ANKRD34C: variants seen among roughly 807,000 people sequenced by gnomAD.
ANKRD34C encodes ankyrin repeat domain 34C.
For missense variants in ANKRD34C, 563 were observed against 653.0 expected (o/e 0.86, Z 1.50); for synonymous variants, 260 against 253.6 (o/e 1.03, Z -0.24).
rs902767751 is a variant in ANKRD34C, at chr15:79,295,096, T to C, written c.*204T>C. On this transcript the variant is annotated 3_prime_UTR_variant, in exon 2 of 2. Transcript: ENST00000421388. ...AGGATAATTGGGTTTTGAAGATAAATTTTTAAAAATTCTGCAAAGGAAGAA... is the reference window on the plus strand; with the variant it reads ...AGGATAATTGGGTTTTGAAGATAAACTTTTAAAAATTCTGCAAAGGAAGAA... 2 of 586,260 alleles carry C rather than the reference T, an allele frequency of 3.4e-6. No homozygotes were observed. The highest frequency in any genetic ancestry group is 3.5e-5 in the South Asian group (1 of 28,242). 36.3% of individuals were successfully genotyped at this position (586,260 alleles called of 1,614,324 possible).
Position 79,295,000 on chromosome 15 carries a change from A to G in ANKRD34C, c.*108A>G, listed in dbSNP as rs1438950302. On this transcript the variant is annotated 3_prime_UTR_variant, in exon 2 of 2. Transcript: ENST00000421388. Reference sequence around the variant, plus strand: ...TTGAACTGTGGCCACTTCAGAAGATATAAAAGCAGGATGCTGCTTCACTTC... The same window carrying G: ...TTGAACTGTGGCCACTTCAGAAGATGTAAAAGCAGGATGCTGCTTCACTTC... 4.1e-6 allele frequency: 5 copies of G among 1,210,928 alleles called. No homozygotes were observed. Among genetic ancestry groups the G allele is most frequent in the South Asian group, 1.7e-5 (1 of 58,190 alleles). The allele number at this position is 1,210,928 out of a possible 1,614,324, so 75.0% of individuals were successfully genotyped here.
intron 1 of ANKRD34C, among the ~76,000 whole-genome samples, chr15:79,287,678 G>C (rs750681886): frequency 5.3e-5 from 8 of 152,220 alleles, no homozygotes; most frequent in African/African-American, 1.9e-4. Context: ...AAAACATGCT[G>C]ACTTATTGGA....
chr15:79,293,481 A>G lies in ANKRD34C; in HGVS notation c.197A>G (p.Lys66Arg), dbSNP rs1489057192. 1.3e-6 allele frequency: 2 copies of G among 1,551,562 alleles called. No individual in the cohort carries two copies. Among genetic ancestry groups the G allele is most frequent in the Middle Eastern group, 1.7e-4 (1 of 6,014 alleles). Residue 66 changes from lysine (K) to arginine (R), a missense_variant, in exon 2 of 2, where the codon AAG becomes AGG. Physicochemically the swap from Lys to Arg is conservative, Grantham distance 26. Coordinates refer to ENST00000421388, the MANE Select transcript of ANKRD34C (RefSeq NM_001146341.2). ...HVDQQSISKSKMVKYLLDNRA... is the reference protein window; with the variant it reads ...HVDQQSISKSRMVKYLLDNRA... ...GACCAGCAAAGCATCAGCAAGTCCA[A>G]GATGGTGAAGTACCTGCTGGACAAC...
intron 1 of ANKRD34C, among the ~76,000 whole-genome samples, chr15:79,291,942 T>C (rs1030499903): frequency 1.3e-5 from 2 of 152,250 alleles, no homozygotes; most frequent in Non-Finnish European, 2.9e-5. Context: ...AGTTTGGTTT[T>C]TGTTTTAAAT....
intron 1 of ANKRD34C, among the ~76,000 whole-genome samples, chr15:79,288,498 C>T (rs1336618093): frequency 6.6e-6 from 1 of 152,220 alleles, no homozygotes; most frequent in Non-Finnish European, 1.5e-5. Flanking sequence ...CTCCCTCATA[C>T]TTCTTGGTTG....
At chr15:79,291,745 G>C (rs1436386216) in intron 1 of ANKRD34C, among the ~76,000 whole-genome samples, 3 of 152,004 alleles carry the variant, frequency 2.0e-5, no homozygotes, top group African/African-American at 7.2e-5. Context: ...TAGTTTTCCT[G>C]GAAATCTAGC....
In ANKRD34C at chr15:79,289,526, C is replaced by T. The variant is rs561350574; in HGVS notation, c.-44-3715C>T. On this transcript the variant is annotated intron_variant, in intron 1 of 1. Coordinates refer to ENST00000421388, the MANE Select transcript of ANKRD34C (RefSeq NM_001146341.2). Reference sequence around the variant, plus strand: ...AAGGAGAGAAGGATTCTCCTACATACGCCATCTTTCCTCCATTTCTTTCTT... The same window carrying T: ...AAGGAGAGAAGGATTCTCCTACATATGCCATCTTTCCTCCATTTCTTTCTT... Among the ~76,000 whole-genome samples the T allele has an allele frequency of 1.9e-4, 29 of 152,316 alleles. No homozygotes were observed. The South Asian group carries it at 3.3e-3, about 17-fold the overall frequency.
chr15:79,297,993 A>G lies in ANKRD34C; in HGVS notation c.*3101A>G, dbSNP rs1301864305. 6.0e-6 allele frequency: 1 copy of G among 166,894 alleles called. No homozygotes were observed. The highest frequency in any genetic ancestry group is 1.5e-5 in the Non-Finnish European group (1 of 68,118). 10.3% of individuals were successfully genotyped at this position (166,894 alleles called of 1,614,324 possible). A position where few individuals can be genotyped will look rare whatever the true frequency, so the allele number is the denominator to read the frequency against. On this transcript the variant is annotated 3_prime_UTR_variant, in exon 2 of 2. Coordinates refer to ENST00000421388, the MANE Select transcript of ANKRD34C (RefSeq NM_001146341.2). ...AAAGCTTTTTTTTTTCTTTTTAAAA[A>G]GCCCATTGTCAACTCTCTTAGAACT... is the stretch of plus-strand genomic sequence containing the variant.
intron 1 of ANKRD34C, among the ~76,000 whole-genome samples, chr15:79,291,444 T>A (rs2058658794): frequency 6.6e-6 from 1 of 151,780 alleles, no homozygotes; most frequent in African/African-American, 2.4e-5. Context: ...ATCTCCAGAG[T>A]TCAGAGACTG....
Position 79,296,630 on chromosome 15 carries a change from T to C in ANKRD34C, c.*1738T>C, listed in dbSNP as rs1426924987. Reference sequence around the variant, plus strand: ...TAACTACCTTTGCTAGAAATTTATCTGAATATTCCAAACAAAAGTGTTAAT... The same window carrying C: ...TAACTACCTTTGCTAGAAATTTATCCGAATATTCCAAACAAAAGTGTTAAT... On this transcript the variant is annotated 3_prime_UTR_variant, in exon 2 of 2. Transcript: ENST00000421388. 2 of 167,246 alleles carry C rather than the reference T, an allele frequency of 1.2e-5. No homozygotes were observed. 10.4% of individuals were successfully genotyped at this position (167,246 alleles called of 1,614,324 possible).
At chr15:79,293,140 G>A (rs750302141) in intron 1 of ANKRD34C, 101 bp from the exon 2 acceptor site, 2 of 835,494 alleles carry the variant, frequency 2.4e-6, no homozygotes, top group Non-Finnish European at 3.5e-6. Flanking sequence ...TGTAAGTTGG[G>A]ATCAGGTTGG....
At chr15:79,285,779 G>A (rs57274537) in intron 1 of ANKRD34C, among the ~76,000 whole-genome samples, 4,381 of 152,228 alleles carry the variant, frequency 0.029, 223 homozygotes, top group African/African-American at 0.1. Flanking sequence ...AGCCAAGCAA[G>A]ACATGACTGT....
chr15:79,288,151 C>A (rs959556549), intron 1 of ANKRD34C, among the ~76,000 whole-genome samples: 3 of 152,174 alleles, frequency 2.0e-5, no homozygotes, highest in Non-Finnish European at 2.9e-5. Context: ...AAAAACCTTC[C>A]TGAAAGGGCA....
Position 79,296,586 on chromosome 15 carries a change from A to G in ANKRD34C, c.*1694A>G, listed in dbSNP as rs962623237. ...AAAAATTCTGCCATATAAACTCTAC[A>G]TATTATATAATTTTTCTATAACTAC... On this transcript the variant is annotated 3_prime_UTR_variant, in exon 2 of 2. Coordinates refer to ENST00000421388, the MANE Select transcript of ANKRD34C (RefSeq NM_001146341.2). 1 of 167,118 alleles carries G rather than the reference A, an allele frequency of 6.0e-6. No homozygotes were observed. Among genetic ancestry groups the G allele is most frequent in the Non-Finnish European group, 1.5e-5 (1 of 68,124 alleles). 10.4% of individuals were successfully genotyped at this position (167,118 alleles called of 1,614,324 possible). A position where few individuals can be genotyped will look rare whatever the true frequency, so the allele number is the denominator to read the frequency against.
rs1395985918 is a variant in ANKRD34C at position 79,296,332 on chromosome 15, T to C, written c.*1440T>C. 1 of 167,096 alleles carries C rather than the reference T, an allele frequency of 6.0e-6. No homozygotes were observed. The highest frequency in any genetic ancestry group is 1.9e-4 in the East Asian group (1 of 5,202). 10.4% of individuals were successfully genotyped at this position (167,096 alleles called of 1,614,324 possible). A position where few individuals can be genotyped will look rare whatever the true frequency, so the allele number is the denominator to read the frequency against. On this transcript the variant is annotated 3_prime_UTR_variant, in exon 2 of 2. Transcript: ENST00000421388. ...GCACCTTACAAGGTTGTGATGAGAA[T>C]TAAATGACACAATGTATGAAAGTGC...
rs887923948 is a variant in ANKRD34C at position 79,295,639 on chromosome 15, T to A, written c.*747T>A. The A allele has an allele frequency of 6.0e-6, 1 of 167,116 alleles. No individual in the cohort carries two copies. The highest frequency in any genetic ancestry group is 1.5e-5 in the Non-Finnish European group (1 of 68,120). 10.4% of individuals were successfully genotyped at this position (167,116 alleles called of 1,614,324 possible). A position where few individuals can be genotyped will look rare whatever the true frequency, so the allele number is the denominator to read the frequency against. On this transcript the variant is annotated 3_prime_UTR_variant, in exon 2 of 2. Coordinates refer to ENST00000421388, the MANE Select transcript of ANKRD34C (RefSeq NM_001146341.2). ...ACCCGTCCCCTGACACAGGCTCTTG[T>A]ATTGAAATCTTGTGAAAAACAGTCA...
intron 1 of ANKRD34C, chr15:79,283,862 G>C (rs968984612): frequency 6.6e-6 from 1 of 152,270 alleles, no homozygotes; most frequent in African/African-American, 2.4e-5. Flanking sequence ...GTTCAGGGCA[G>C]CTACGTAACA....
At chr15:79,284,424 A>T (rs2058637811) in intron 1 of ANKRD34C, among the ~76,000 whole-genome samples, 1 of 152,214 alleles carries the variant, frequency 6.6e-6, no homozygotes, top group South Asian at 2.1e-4. Flanking sequence ...ATCTGTAAAT[A>T]CTTGATAATG....
chr15:79,293,211 A>C, intron 1 of ANKRD34C, 30 bp from the exon 2 acceptor site: 2 of 1,389,956 alleles, frequency 1.4e-6, no homozygotes, highest in Non-Finnish European at 1.9e-6. Context: ...TAAAACATAT[A>C]ACATTTGTTC....
Sources: allele counts gnomAD v4.1 joint callset (sites outside exome capture counted in the v4.1 genomes callset), GRCh38; gene constraint gnomAD v4.1.1; transcripts MANE v1.5; gene names NCBI Gene and HGNC (gene_info 2026-07-23, HGNC 2026-07-21).